The following KIF16B variants were observed in gnomAD, a reference collection of about 807,000 sequenced individuals.
KIF16B encodes kinesin family member 16B.
In KIF16B, 98 loss-of-function variants were observed where a neutral mutation model predicts 156.3. The observed-to-expected ratio is 0.63, with a 90% CI of 0.53 to 0.74. KIF16B has a LOEUF of 0.74. Among genes scored for constraint, KIF16B ranks in the 30% least tolerant of loss-of-function variants. The probability of loss-of-function intolerance (pLI) is 0.00; values close to 1 mark genes in which losing one functional copy is unlikely to be tolerated. For missense variants in KIF16B, 1,421 were observed against 1,606.5 expected, an observed-to-expected ratio of 0.88 and a Z score of 1.97; for synonymous variants, 564 against 583.7, an observed-to-expected ratio of 0.97 and a Z score of 0.49.
intron 1 of KIF16B, among the ~76,000 whole-genome samples, chr20:16,547,989 G>A (rs2070480399): frequency 3.3e-5 from 5 of 152,180 alleles, no homozygotes; most frequent in Admixed American, 3.3e-4. Flanking sequence ...GCGAGTGTCA[G>A]CTGAGAAGGG....
At chr20:16,412,587 TGGC>T (rs1157643252) in intron 15 of KIF16B, among the ~76,000 whole-genome samples, 1 of 152,122 alleles carries the variant, frequency 6.6e-6, no homozygotes, top group Non-Finnish European at 1.5e-5. Flanking sequence ...CCTCTTTACA[TGGC>T]AGCAAGAAGT....
Position 16,452,767 on chromosome 20 carries a change from G to A in KIF16B, c.1303-22785C>T, listed in dbSNP as rs544844002. Among the ~76,000 whole-genome samples, 430 of 151,050 alleles carry A rather than the reference G, an allele frequency of 2.8e-3. 1 individual carries two copies. The highest frequency in any genetic ancestry group is 0.01 in the Middle Eastern group (3 of 292). On this transcript the variant is annotated intron_variant, in intron 12 of 25. Transcript: ENST00000354981. ...GGAGAATGGCATGAACCTGGGAGGC[G>A]AAGCTTGCAGTGAGCCGAGATCGCG...
chr20:16,322,991 G>C (rs963791946), intron 24 of KIF16B, among the ~76,000 whole-genome samples: 1 of 151,956 alleles, frequency 6.6e-6, no homozygotes, highest in Non-Finnish European at 1.5e-5. Flanking sequence ...GTAATAAAAA[G>C]CCTTGCCTAT....
At position 16,379,109 on chromosome 20, in the gene KIF16B, G is replaced by C. The variant is rs1408705130; in HGVS notation, c.2893C>G (p.Gln965Glu). The C allele has an allele frequency of 2.5e-6, 4 of 1,613,228 alleles. No individual in the cohort carries two copies. In the Admixed American group the frequency reaches 5.0e-5, roughly 20 times the overall value. Residue 965 changes from glutamine to glutamate, a missense_variant, in exon 19 of 26, where the codon CAG (glutamine) becomes GAG (glutamate). Coordinates refer to ENST00000354981, the MANE Select transcript of KIF16B (RefSeq NM_024704.5). Reference sequence around the variant, plus strand: ...AAGGTGGCTTGGAGCTTTTGCAGCTGGTTTGCATTGGCCTGGTACTGTGCA... The same window carrying C: ...AAGGTGGCTTGGAGCTTTTGCAGCTCGTTTGCATTGGCCTGGTACTGTGCA... ...QLAQYQANAN[Q>E]LQKLQATFEF...
chr20:16,537,141 C>T (rs531623973), intron 1 of KIF16B, among the ~76,000 whole-genome samples: 10 of 152,232 alleles, frequency 6.6e-5, no homozygotes, highest in African/African-American at 1.7e-4. Flanking sequence ...CATCTCACCA[C>T]GAGGCTCCCC....
chr20:16,380,204 T>A (rs1367216643), intron 18 of KIF16B, 41 bp from the exon 19 acceptor site: 1 of 1,436,908 alleles, frequency 7.0e-7, no homozygotes, highest in Non-Finnish European at 9.1e-7. Flanking sequence ...CTGGTCATTG[T>A]TCAAATGTTG....
intron 23 of KIF16B, among the ~76,000 whole-genome samples, chr20:16,354,975 C>T (rs2064410218): frequency 6.6e-6 from 1 of 151,490 alleles, no homozygotes; most frequent in Non-Finnish European, 1.5e-5. Context: ...CAACAACACA[C>T]AGGCATCATG....
At chr20:16,373,154 T>C (rs568833721) in intron 20 of KIF16B, among the ~76,000 whole-genome samples, 2 of 152,138 alleles carry the variant, frequency 1.3e-5, no homozygotes, top group East Asian at 3.9e-4. Context: ...GGCAAAGAGA[T>C]TAAAATTTTA....
chr20:16,529,451 T>C (rs1443274734), intron 1 of KIF16B, among the ~76,000 whole-genome samples: 1 of 152,226 alleles, frequency 6.6e-6, no homozygotes, highest in Non-Finnish European at 1.5e-5. Flanking sequence ...TAATGAGATA[T>C]ATCCTAAAAA....
chr20:16,382,228 T>A, intron 17 of KIF16B: 1 of 678,128 alleles, frequency 1.5e-6, no homozygotes, highest in Non-Finnish European at 2.2e-6. Flanking sequence ...AGAAAAGCAG[T>A]AAGGTACTTA....
intron 1 of KIF16B, among the ~76,000 whole-genome samples, chr20:16,562,510 G>A (rs900877894): frequency 3.9e-5 from 6 of 152,122 alleles, no homozygotes; most frequent in Admixed American, 1.3e-4. Flanking sequence ...AACAAACGCC[G>A]TGACTACGGA....
At chr20:16,347,342 G>A (rs2064252644) in intron 23 of KIF16B, among the ~76,000 whole-genome samples, 1 of 152,150 alleles carries the variant, frequency 6.6e-6, no homozygotes, top group African/African-American at 2.4e-5. Flanking sequence ...AAGGAAGGAG[G>A]AATACTAATA....
At chr20:16,282,627 TAGCAGCTGGGAGGCAGG>T (rs1267163710) in intron 25 of KIF16B, among the ~76,000 whole-genome samples, 14 of 152,014 alleles carry the variant, frequency 9.2e-5, no homozygotes, top group African/African-American at 3.4e-4. Flanking sequence ...GTACCAAGCC[TAGCAGCTGGGAGGCAGG>T]GCTTTGGGGC....
chr20:16,385,843 A>G (rs34419300), intron 17 of KIF16B, among the ~76,000 whole-genome samples: 5,150 of 152,258 alleles, frequency 0.034, 83 homozygotes, highest in African/African-American at 0.041. Context: ...TTTAATTCTC[A>G]CAATGACCCT....
At chr20:16,479,642 G>A (rs2067922477) in intron 12 of KIF16B, among the ~76,000 whole-genome samples, 3 of 152,172 alleles carry the variant, frequency 2.0e-5, no homozygotes, top group Admixed American at 1.3e-4. Flanking sequence ...TAGTAACCCC[G>A]TATTTTTACT....
At position 16,378,807 on chromosome 20, in the gene KIF16B, C is replaced by G. The variant is rs1293691715; in HGVS notation, c.3195G>C (p.Glu1065Asp). 1 of 1,605,304 alleles carries G rather than the reference C, an allele frequency of 6.2e-7. No homozygotes were observed. The highest frequency in any genetic ancestry group is 1.1e-5 in the South Asian group (1 of 89,116). ...ACACCCTTCCTTCCCAATCTCACCT[C>G]TCCTGGTCCTTCTCCAGGGCTTCCT... ...AEQEALEKDQ[E>D]RLEYEIQQLK... The change falls in exon 19 of 26, where the codon GAG becomes GAC. Residue 1065 changes from glutamate to aspartate, a missense_variant and splice_region_variant. Glu to Asp is a conservative substitution (Grantham distance 45). Transcript: ENST00000354981.
At chr20:16,306,623 T>C (rs17737595) in intron 25 of KIF16B, among the ~76,000 whole-genome samples, 22,186 of 152,140 alleles carry the variant, frequency 0.15, 1,724 homozygotes, top group Admixed American at 0.16. Context: ...CAAGTAAATG[T>C]AACAAACTGA....
Position 16,379,182 on chromosome 20 carries a change from G to A in KIF16B, c.2820C>T (p.Asn940=). 6.2e-7 allele frequency: 1 copy of A among 1,614,160 alleles called. No homozygotes were observed. Among genetic ancestry groups the A allele is most frequent in the Non-Finnish European group, 8.5e-7 (1 of 1,180,036 alleles). Residue 940 remains asparagine (N), a synonymous_variant, in exon 19 of 26, where the codon AAC becomes AAT. Coordinates refer to ENST00000354981, the MANE Select transcript of KIF16B (RefSeq NM_024704.5). ...ILDRGPLSLD[N]TLYQVEKEME... ...TTTCCTTTTCTACTTGATAAAGAGT[G>A]TTGTCTAAGCTGAGAGGGCCTCTGT...
intron 25 of KIF16B, among the ~76,000 whole-genome samples, chr20:16,278,611 C>T (rs1967407662): frequency 6.6e-6 from 1 of 152,148 alleles, no homozygotes; most frequent in South Asian, 2.1e-4. Context: ...CATGGACCCC[C>T]ATGGGTCTGT....
Sources: allele counts gnomAD v4.1 joint callset (sites outside exome capture counted in the v4.1 genomes callset), GRCh38; gene constraint gnomAD v4.1.1; transcripts MANE v1.5; gene names NCBI Gene and HGNC (gene_info 2026-07-23, HGNC 2026-07-21).